CCDC30: variants seen among roughly 807,000 people sequenced by gnomAD.
CCDC30 encodes the protein coiled-coil domain containing 30, also known as coiled-coil domain-containing protein 30.
In CCDC30, 70 loss-of-function variants were observed where a neutral mutation model predicts 100.2. That is an observed-to-expected ratio of 0.70 (90% CI 0.58 to 0.85). The LOEUF is 0.85. Among genes scored for constraint, CCDC30 ranks in the 40% least tolerant of loss-of-function variants. CCDC30 has a pLI of 0.00. For synonymous variants in CCDC30, 233 were observed against 269.5 expected (o/e 0.86, Z 1.33); for missense variants, 652 against 771.2 (o/e 0.85, Z 1.83).
the CCDC30 span, chr1:42,456,703 G>A: frequency 6.2e-7 from 1 of 1,608,158 alleles, no homozygotes. Context: ...GCGGCACCAA[G>A]GTCCCACTGG....
chr1:42,458,538 T>G (rs1010919320), upstream of CCDC30, among the ~76,000 whole-genome samples: 6 of 152,228 alleles, frequency 3.9e-5, no homozygotes, highest in Non-Finnish European at 7.3e-5. Flanking sequence ...TTGCTTCCTC[T>G]GCAGAGGAGA....
At chr1:42,516,571 C>A (rs1316718930) in intron 6 of CCDC30, among the ~76,000 whole-genome samples, 377 of 101,900 alleles carry the variant, frequency 3.7e-3, no homozygotes, top group Admixed American at 5.3e-3. Flanking sequence ...GACTCCATCT[C>A]AAAAAAAAAA....
chr1:42,506,870 TTAC>T (rs1401439649), intron 6 of CCDC30, among the ~76,000 whole-genome samples: 3 of 152,226 alleles, frequency 2.0e-5, no homozygotes, highest in African/African-American at 4.8e-5. Flanking sequence ...TCATTAACCT[TTAC>T]TATTACGTGA....
intron 10 of CCDC30, chr1:42,593,344 A>T (rs1221658998): frequency 6.6e-6 from 1 of 152,210 alleles, no homozygotes; most frequent in African/African-American, 2.4e-5. Context: ...GAACAGCCAG[A>T]TGGAAGAGAT....
At chr1:42,622,979 T>G (rs910004092) in intron 11 of CCDC30, among the ~76,000 whole-genome samples, 1 of 152,228 alleles carries the variant, frequency 6.6e-6, no homozygotes, top group Non-Finnish European at 1.5e-5. Context: ...TCTCTGATAA[T>G]CAATGATGTT....
chr1:42,469,963 G>A (rs985905189), intron 1 of CCDC30, among the ~76,000 whole-genome samples: 2 of 152,202 alleles, frequency 1.3e-5, no homozygotes, highest in Admixed American at 6.5e-5. Context: ...CCATGAATTT[G>A]TAATGGTTCA....
rs79535629 is a variant in CCDC30, at chr1:42,470,967, A to G, written c.-92+7069A>G. The stretch of plus-strand genomic sequence containing the variant: ...AAATGGTAAATTTTAAGTTATGTAT[A>G]TTTACAACAATTAAGAAAAAGGGGG... On this transcript the variant is annotated intron_variant, in intron 1 of 16. Transcript: ENST00000668663. Among the ~76,000 whole-genome samples the G allele has an allele frequency of 7.8e-3, 1,189 of 152,314 alleles. 7 individuals are homozygous for G. The highest frequency in any genetic ancestry group is 0.013 in the Non-Finnish European group (864 of 68,022).
intron 10 of CCDC30, 138 bp downstream of exon 14, chr1:42,589,621 A>G: frequency 1.4e-6 from 1 of 700,440 alleles, no homozygotes; most frequent in Non-Finnish European, 2.4e-6. Context: ...TACTCTAGGT[A>G]TTTCAAGCAA....
intron 3 of CCDC30, among the ~76,000 whole-genome samples, chr1:42,489,091 T>A (rs767634022): frequency 6.6e-5 from 10 of 152,230 alleles, no homozygotes; most frequent in Non-Finnish European, 1.2e-4. Flanking sequence ...GCCCTCACTT[T>A]ACTTTCTCTC....
intron 7 of CCDC30, among the ~76,000 whole-genome samples, chr1:42,567,749 T>C (rs1433636505): frequency 6.6e-6 from 1 of 152,226 alleles, no homozygotes; most frequent in African/African-American, 2.4e-5. Flanking sequence ...ACTCGGGACA[T>C]ATTCTAACAA....
At chr1:42,559,875 G>T (rs1053314131) in intron 6 of CCDC30, among the ~76,000 whole-genome samples, 2 of 152,028 alleles carry the variant, frequency 1.3e-5, no homozygotes. Flanking sequence ...TTCTAAAATC[G>T]ACCACATAAT....
At chr1:42,460,286 T>C, upstream of CCDC30, 1 of 1,008,908 alleles carries the variant, frequency 9.9e-7, no homozygotes, top group Non-Finnish European at 1.2e-6. Flanking sequence ...TGAATGCCTA[T>C]GTATGTCAGG....
chr1:42,502,681 TTCTTATTTTTCTA>T (rs1297211971), intron 6 of CCDC30, among the ~76,000 whole-genome samples: 5 of 152,112 alleles, frequency 3.3e-5, no homozygotes, highest in Non-Finnish European at 7.4e-5. Flanking sequence ...TAGTATCCAT[TTCTTATTTTTCTA>T]CCTGCCCCCT....
chr1:42,555,722 T>C lies in CCDC30; in HGVS notation c.457-10574T>C, dbSNP rs1212874266. ...TATTTTTTGAGACACAGTCTCACTC[T>C]GTCACCCAGGCTGGAGTGCAGTGGC... On this transcript the variant is annotated intron_variant, in intron 6 of 16. Coordinates refer to ENST00000668663, the Ensembl canonical transcript of CCDC30. Among the ~76,000 whole-genome samples the C allele has an allele frequency of 2.6e-5, 4 of 152,340 alleles. No homozygotes were observed. In the East Asian group the frequency reaches 7.7e-4, roughly 29 times the overall value.
intron 11 of CCDC30, among the ~76,000 whole-genome samples, chr1:42,623,868 T>C (rs1335983776): frequency 6.6e-6 from 1 of 152,224 alleles, no homozygotes; most frequent in Non-Finnish European, 1.5e-5. Context: ...TCCAAGAACA[T>C]GGAATATCTT....
At chr1:42,456,239 G>A in the CCDC30 span, 124 of 608,266 alleles carry the variant, frequency 2.0e-4, 1 homozygote, top group African/African-American at 2.2e-3. Context: ...GACTCCCAAG[G>A]AGTCCAAGTC....
At position 42,610,047 on chromosome 1, in the gene CCDC30, G is replaced by A. The variant is rs577791011; in HGVS notation, c.1165-931G>A. ...GGTTCTCAGACAATGCCTTGTTCCA[G>A]TAATTAAATCCCCAAGTTGGACATT... is the stretch of plus-strand genomic sequence containing the variant. On this transcript the variant is annotated intron_variant, in intron 10 of 16. Coordinates refer to ENST00000668663, the Ensembl canonical transcript of CCDC30. Among the ~76,000 whole-genome samples, 22 of 152,332 alleles carry A rather than the reference G, an allele frequency of 1.4e-4. No homozygotes were observed. The South Asian group carries it at 4.3e-3, about 30-fold the overall frequency.
At chr1:42,641,092 CTATTT>C (rs925160242) in intron 12 of CCDC30, among the ~76,000 whole-genome samples, 1 of 151,792 alleles carries the variant, frequency 6.6e-6, no homozygotes, top group African/African-American at 2.4e-5. Context: ...CCTGTTTCTA[CTATTT>C]TATTTTATTT....
chr1:42,611,246 G>C (rs1037103732), intron 11 of CCDC30, among the ~76,000 whole-genome samples, 156 bp downstream of exon 15: 12 of 152,098 alleles, frequency 7.9e-5, no homozygotes, highest in African/African-American at 2.2e-4. Flanking sequence ...TATCCACAGG[G>C]CTTTTCCTAG....
Sources: gnomAD v4.1 joint callset for allele counts (sites outside exome capture counted in the v4.1 genomes callset) on GRCh38, gnomAD v4.1.1 for gene constraint, MANE v1.5 for transcripts, NCBI Gene and HGNC (gene_info 2026-07-23, HGNC 2026-07-21) for gene names.